NOTCH2NLB: variants seen among roughly 807,000 people sequenced by gnomAD.
The protein encoded by NOTCH2NLB is notch homolog 2 N-terminal-like protein B.
In NOTCH2NLB, 1 loss-of-function variant was observed where a neutral mutation model predicts 14.8. That is an observed-to-expected ratio of 0.07 (90% CI 0.02 to 0.32). The LOEUF (loss-of-function observed/expected upper bound fraction) is 0.32, where lower values mean the gene tolerates loss of function less well. NOTCH2NLB is among the 10% of genes least tolerant of loss of function. The pLI is 1.00. For missense variants in NOTCH2NLB, 11 were observed against 155.0 expected (o/e 0.07, Z 4.93); for synonymous variants, 6 against 57.5 (o/e 0.10, Z 4.05).
At chr1:148,627,803 C>T (rs1489626955) in intron 2 of NOTCH2NLB, among the ~76,000 whole-genome samples, 112 of 139,676 alleles carry the variant, frequency 8.0e-4, no homozygotes, top group Middle Eastern at 7.5e-3. Flanking sequence ...ATTATTAATT[C>T]TCATACTCCC....
rs1254132172 is a variant in NOTCH2NLB at position 148,625,359 on chromosome 1, T to A, written c.78-9409A>T. Among the ~76,000 whole-genome samples, 423 of 90,942 alleles carry A rather than the reference T, an allele frequency of 4.7e-3. 74 individuals are homozygous for A. The highest frequency in any genetic ancestry group is 0.02 in the African/African-American group (386 of 18,962). The allele number at this position is 90,942 out of a possible 152,430, so 59.7% of individuals were successfully genotyped here. A position where few individuals can be genotyped will look rare whatever the true frequency, so the allele number is the denominator to read the frequency against. ...TTTAGCTTTTTTTTTTTTTTTTTTT[T>A]AAAACGAGGATTTGGCCATTCAAGA... On this transcript the variant is annotated intron_variant, in intron 2 of 4. Coordinates refer to ENST00000593495, the Ensembl canonical transcript of NOTCH2NLB.
At chr1:148,633,468 G>GC (rs1664154377) in intron 2 of NOTCH2NLB, among the ~76,000 whole-genome samples, 1 of 76,114 alleles carries the variant, frequency 1.3e-5, no homozygotes, top group Admixed American at 1.2e-4. Context: ...CAGGAGAATG[G>GC]CATGAACCCG....
At chr1:148,670,549 T>TAC (rs1385565723) in intron 1 of NOTCH2NLB, among the ~76,000 whole-genome samples, 24 of 100,720 alleles carry the variant, frequency 2.4e-4, no homozygotes, top group African/African-American at 9.0e-4. Context: ...AATATATATA[T>TAC]ATACATATAT....
intron 1 of NOTCH2NLB, among the ~76,000 whole-genome samples, chr1:148,673,615 G>A (rs1224350363): frequency 3.6e-5 from 5 of 139,850 alleles, no homozygotes; most frequent in African/African-American, 1.3e-4. Flanking sequence ...AACACAAACA[G>A]AAGTCCGAAA....
intron 1 of NOTCH2NLB, among the ~76,000 whole-genome samples, chr1:148,670,400 G>T (rs1664733645): frequency 6.9e-6 from 1 of 145,534 alleles, no homozygotes; most frequent in Non-Finnish European, 1.5e-5. Flanking sequence ...TCACTGTAAT[G>T]AGGCATATTA....
chr1:148,651,163 AT>A (rs1330994297), intron 1 of NOTCH2NLB, among the ~76,000 whole-genome samples: 1,943 of 36,104 alleles, frequency 0.054, 3 homozygotes, highest in African/African-American at 0.14. Context: ...AAAAAAAAAA[AT>A]ATATATATAT....
At position 148,633,339 on chromosome 1, in the gene NOTCH2NLB, G is replaced by T. The variant is rs1252933644; in HGVS notation, c.77+6677C>A. Among the ~76,000 whole-genome samples the T allele has an allele frequency of 8.8e-5, 10 of 113,332 alleles. 1 individual carries two copies. Among genetic ancestry groups the T allele is most frequent in the Admixed American group, 4.2e-4 (5 of 11,944 alleles). The allele number at this position is 113,332 out of a possible 152,430, so 74.4% of individuals were successfully genotyped here. A position where few individuals can be genotyped will look rare whatever the true frequency, so the allele number is the denominator to read the frequency against. ...GAGGCCGAGGCGGGCAGATCATGAGGTCAGGAGATAGAGACCATCCTGGCT... is the reference window on the plus strand; with the variant it reads ...GAGGCCGAGGCGGGCAGATCATGAGTTCAGGAGATAGAGACCATCCTGGCT... On this transcript the variant is annotated intron_variant, in intron 2 of 4. Coordinates refer to ENST00000593495, the Ensembl canonical transcript of NOTCH2NLB.
intron 1 of NOTCH2NLB, among the ~76,000 whole-genome samples, chr1:148,670,577 T>TATAA (rs1664756918): frequency 3.0e-4 from 40 of 133,768 alleles, no homozygotes; most frequent in Admixed American, 5.9e-4. Flanking sequence ...TATATATATA[T>TATAA]AAATAAATCA....
At chr1:148,621,656 GTC>G (rs1161858228) in intron 2 of NOTCH2NLB, among the ~76,000 whole-genome samples, 1 of 111,252 alleles carries the variant, frequency 9.0e-6, no homozygotes, top group Non-Finnish European at 1.8e-5. Flanking sequence ...AACAAACTTT[GTC>G]TCTCTACAAT....
chr1:148,634,315 A>C (rs1300188548), intron 2 of NOTCH2NLB, among the ~76,000 whole-genome samples: 2 of 150,344 alleles, frequency 1.3e-5, no homozygotes, highest in African/African-American at 4.9e-5. Context: ...GTTTCAGCTG[A>C]GACGAAAGAG....
At chr1:148,654,643 T>C (rs2149626387) in intron 1 of NOTCH2NLB, among the ~76,000 whole-genome samples, 1 of 78,926 alleles carries the variant, frequency 1.3e-5, no homozygotes, top group Admixed American at 1.3e-4. Flanking sequence ...ACTAAAGAAC[T>C]ATAGAAAATA....
At chr1:148,633,362 G>C (rs1346399998) in intron 2 of NOTCH2NLB, among the ~76,000 whole-genome samples, 1 of 107,158 alleles carries the variant, frequency 9.3e-6, no homozygotes, top group Non-Finnish European at 1.8e-5. Context: ...GACCATCCTG[G>C]CTAACACAGT....
intron 3 of NOTCH2NLB, among the ~76,000 whole-genome samples, chr1:148,615,102 T>C (rs1345758596): frequency 1.5e-5 from 2 of 137,922 alleles, no homozygotes; most frequent in East Asian, 2.1e-4. Context: ...TTATTTCTTT[T>C]AGTGAAGTAA....
chr1:148,674,562 G>C, intron 1 of NOTCH2NLB, among the ~76,000 whole-genome samples: 1 of 82,354 alleles, frequency 1.2e-5, no homozygotes, highest in East Asian at 5.1e-4. Context: ...AAGGAAAAAA[G>C]AACATAGAAA....
At chr1:148,670,311 G>A (rs1250147822) in intron 1 of NOTCH2NLB, among the ~76,000 whole-genome samples, 4 of 135,416 alleles carry the variant, frequency 3.0e-5, no homozygotes, top group East Asian at 2.2e-4. Context: ...AATTAAATGA[G>A]TAAAAGACAC....
Position 148,610,284 on chromosome 1 carries a change from AGAAAGAGAGAGG to A in NOTCH2NLB, c.338-2551_338-2540del, listed in dbSNP as rs1233084883. On this transcript the variant is annotated intron_variant, in intron 3 of 4. Transcript: ENST00000593495. ...CAACAGAGTGAGAAGAAAGAAAGAC[AGAAAGAGAGAGG>A]GAAAGAGAGAGAAAGAGAGAAAGAG... 5.2e-5 allele frequency among the ~76,000 whole-genome samples: 6 copies of A among 114,958 alleles called. 1 individual carries two copies. Among genetic ancestry groups the A allele is most frequent in the Non-Finnish European group, 1.1e-4 (6 of 55,524 alleles). 75.4% of individuals were successfully genotyped at this position (114,958 alleles called of 152,430 possible). A position where few individuals can be genotyped will look rare whatever the true frequency, so the allele number is the denominator to read the frequency against.
At chr1:148,609,120 A>C (rs1663603838) in intron 3 of NOTCH2NLB, among the ~76,000 whole-genome samples, 1 of 140,632 alleles carries the variant, frequency 7.1e-6, no homozygotes, top group Admixed American at 7.1e-5. Flanking sequence ...TTATACTTTA[A>C]GTTCTAGGGT....
Position 148,623,980 on chromosome 1 carries a change from C to T in NOTCH2NLB, c.78-8030G>A, listed in dbSNP as rs1259026029. On this transcript the variant is annotated intron_variant, in intron 2 of 4. Transcript: ENST00000593495. ...CTGAGGTATAGAATTATCCTTCATA[C>T]CCCAGGAAGCTAAGCAGCATTATGG... Among the ~76,000 whole-genome samples the T allele has an allele frequency of 5.5e-5, 5 of 90,814 alleles. 2 individuals carry two copies. The highest frequency in any genetic ancestry group is 9.6e-5 in the Non-Finnish European group (5 of 51,922). The allele number at this position is 90,814 out of a possible 152,430, so 59.6% of individuals were successfully genotyped here. A position where few individuals can be genotyped will look rare whatever the true frequency, so the allele number is the denominator to read the frequency against.
downstream of NOTCH2NLB, among the ~76,000 whole-genome samples, chr1:148,602,271 AAAAAAAAAAG>A (rs1279424636): frequency 1.4e-5 from 1 of 69,216 alleles, no homozygotes; most frequent in Non-Finnish European, 2.4e-5. Flanking sequence ...AAAAAAAAAA[AAAAAAAAAAG>A]AAAAGAAAAG....
Sources: gnomAD v4.1 joint callset for allele counts (sites outside exome capture counted in the v4.1 genomes callset) on GRCh38, gnomAD v4.1.1 for gene constraint, MANE v1.5 for transcripts, NCBI Gene and HGNC (gene_info 2026-07-23, HGNC 2026-07-21) for gene names.